The following ASH1L variants were observed in gnomAD, a reference collection of about 807,000 sequenced individuals.
ASH1L encodes histone-lysine N-methyltransferase ASH1L.
Under a neutral mutation model 269.0 loss-of-function variants are expected in ASH1L, and 23 were observed. That is an observed-to-expected ratio of 0.09 (90% CI 0.06 to 0.12). The LOEUF is 0.12. Ranked by LOEUF, ASH1L falls within the 10% of genes least tolerant of loss-of-function variation. ASH1L has a pLI of 1.00. For missense variants in ASH1L, 2,912 were observed against 3,567.8 expected (o/e 0.82, Z 4.68); for synonymous variants, 1,187 against 1,253.5 (o/e 0.95, Z 1.12).
chr1:155,405,189 A>G (rs1370866020), intron 6 of ASH1L, among the ~76,000 whole-genome samples: 1 of 152,118 alleles, frequency 6.6e-6, no homozygotes, highest in African/African-American at 2.4e-5. Flanking sequence ...AACACTGTTA[A>G]AAGTTTTGAG....
In ASH1L at chr1:155,444,102, G is replaced by C. The variant is rs183839075; in HGVS notation, c.5087-5034C>G. Among the ~76,000 whole-genome samples the C allele has an allele frequency of 8.4e-3, 1,262 of 149,370 alleles. 11 individuals carry two copies. Among genetic ancestry groups the C allele is most frequent in the Non-Finnish European group, 0.013 (866 of 67,728 alleles). ...GGGTTCAAGTGATTCTCCTGCCTCA[G>C]CCTCCCGAGTAGCTGGGACTACAGG... On this transcript the variant is annotated intron_variant, in intron 4 of 27. Coordinates refer to ENST00000392403, the MANE Select transcript of ASH1L (RefSeq NM_018489.3).
chr1:155,348,976 A>G (rs551985840), intron 19 of ASH1L, among the ~76,000 whole-genome samples: 4 of 151,560 alleles, frequency 2.6e-5, no homozygotes, highest in African/African-American at 9.7e-5. Flanking sequence ...ATATTTCTGT[A>G]TATTTCACAT....
rs1449372738 is a variant in ASH1L at position 155,335,705 on chromosome 1, A to T, written c.*1955T>A. ...TTTTTTTAGTCTTTCAACAAAAGAA[A>T]GATAAAATGACAGAGCGTAGTGTCT... On this transcript the variant is annotated 3_prime_UTR_variant, in exon 28 of 28. Coordinates refer to ENST00000392403, the MANE Select transcript of ASH1L (RefSeq NM_018489.3). 1 of 152,746 alleles carries T rather than the reference A, an allele frequency of 6.5e-6. No individual in the cohort carries two copies. The highest frequency in any genetic ancestry group is 1.5e-5 in the Non-Finnish European group (1 of 68,042). The allele number at this position is 152,746 out of a possible 1,614,324, so 9.5% of individuals were successfully genotyped here. A position where few individuals can be genotyped will look rare whatever the true frequency, so the allele number is the denominator to read the frequency against.
chr1:155,526,131 A>C (rs1669236653), intron 1 of ASH1L, among the ~76,000 whole-genome samples: 1 of 152,214 alleles, frequency 6.6e-6, no homozygotes, highest in South Asian at 2.1e-4. Context: ...TCATGAGGAT[A>C]GGAACCTCTT....
In ASH1L at chr1:155,479,915, T is replaced by A. The variant is rs755335545; in HGVS notation, c.2955A>T (p.Lys985Asn). 6.2e-7 allele frequency: 1 copy of A among 1,613,558 alleles called. No individual in the cohort carries two copies. The highest frequency in any genetic ancestry group is 1.1e-5 in the South Asian group (1 of 90,956). Reference protein sequence around the residue: ...NGQLMKTIIRKINKMKTLKRK... With the variant: ...NGQLMKTIIRNINKMKTLKRK... The stretch of plus-strand genomic sequence containing the variant: ...TCTTTAAAGTCTTCATTTTATTTAT[T>A]TTGCGGATAATTGTTTTCATTAATT... Residue 985 changes from lysine (K) to asparagine (N), a missense_variant, in exon 3 of 28, where the codon AAA becomes AAT. By Grantham distance (94) the Lys-to-Asn change is moderately conservative (BLOSUM62 0). This residue lies in a region of ASH1L where 715 missense variants were observed against 721.0 expected (regional missense o/e 0.99). Transcript: ENST00000392403.
chr1:155,552,205 G>A (rs974693458), intron 1 of ASH1L, among the ~76,000 whole-genome samples: 3 of 151,908 alleles, frequency 2.0e-5, no homozygotes, highest in Non-Finnish European at 2.9e-5. Flanking sequence ...AGTGGCTCAC[G>A]CCTGTAATCC....
intron 7 of ASH1L, among the ~76,000 whole-genome samples, chr1:155,386,174 T>C (rs1218771897): frequency 6.6e-6 from 1 of 151,788 alleles, no homozygotes; most frequent in Non-Finnish European, 1.5e-5. Context: ...TTCAAGCGAT[T>C]CTCCCGCCTC....
In ASH1L at chr1:155,348,055, G is replaced by C. The variant is rs1049152202; in HGVS notation, c.7555-151C>G. The C allele has an allele frequency of 5.6e-6, 5 of 885,538 alleles. No homozygotes were observed. The African/African-American group carries it at 8.4e-5, about 15-fold the overall frequency. The allele number at this position is 885,538 out of a possible 1,614,324, so 54.9% of individuals were successfully genotyped here. A position where few individuals can be genotyped will look rare whatever the true frequency, so the allele number is the denominator to read the frequency against. ...TATCAAATATATGGCCAGATAGTTG[G>C]TAACAACTTAAACTGAACTAAAATG... On this transcript the variant is annotated intron_variant, in intron 19 of 27. Transcript: ENST00000392403.
chr1:155,414,756 C>A (rs901945393), intron 6 of ASH1L, among the ~76,000 whole-genome samples: 1 of 152,046 alleles, frequency 6.6e-6, no homozygotes, highest in African/African-American at 2.4e-5. Flanking sequence ...TCTTTGTATC[C>A]TTTTTACATG....
At chr1:155,531,202 GAA>G (rs967758155) in intron 1 of ASH1L, among the ~76,000 whole-genome samples, 3 of 132,646 alleles carry the variant, frequency 2.3e-5, no homozygotes, top group South Asian at 4.9e-4. Flanking sequence ...TTACAATTTG[GAA>G]AAAAAAAAAA....
Position 155,362,098 on chromosome 1 carries a change from G to C in ASH1L, c.6687-1689C>G, listed in dbSNP as rs368540410. On this transcript the variant is annotated intron_variant, in intron 12 of 27. Coordinates refer to ENST00000392403, the MANE Select transcript of ASH1L (RefSeq NM_018489.3). ...GTCCCCAGGCTGGAGTGCAGTGGCA[G>C]AATCTCGGCTCACTGCAACCTCCAA... is the stretch of plus-strand genomic sequence containing the variant. Among the ~76,000 whole-genome samples the C allele has an allele frequency of 2.6e-5, 4 of 151,802 alleles. No homozygotes were observed. In the South Asian group the frequency reaches 8.3e-4, roughly 32 times the overall value.
Position 155,337,670 on chromosome 1 carries a change from A to C in ASH1L, c.8885T>G (p.Phe2962Cys). ...CTCATTCTTTGAGGGTCACTTTCGA[A>C]AGCTGTTTTCTGGGATAAACAAAGT... ...RRTLFIPENS[F>C]RK Residue 2962 changes from phenylalanine (F) to cysteine (C), a missense_variant, in exon 28 of 28, where the codon TTT becomes TGT. Transcript: ENST00000392403. 1 of 1,613,626 alleles carries C rather than the reference A, an allele frequency of 6.2e-7. No homozygotes were observed. Among genetic ancestry groups the C allele is most frequent in the African/African-American group, 1.3e-5 (1 of 75,012 alleles).
chr1:155,546,883 C>A (rs540806836), intron 1 of ASH1L, among the ~76,000 whole-genome samples: 1 of 150,736 alleles, frequency 6.6e-6, no homozygotes, highest in African/African-American at 2.4e-5. Flanking sequence ...GAACCCCTTA[C>A]ATTCACATTT....
intron 2 of ASH1L, among the ~76,000 whole-genome samples, chr1:155,519,452 A>G (rs1242352888): frequency 6.6e-6 from 1 of 152,090 alleles, no homozygotes; most frequent in African/African-American, 2.4e-5. Flanking sequence ...ATAAATAAAT[A>G]AATAAATAAA....
chr1:155,400,314 A>G (rs929438353), intron 6 of ASH1L, among the ~76,000 whole-genome samples: 1 of 151,914 alleles, frequency 6.6e-6, no homozygotes, highest in African/African-American at 2.4e-5. Flanking sequence ...CCTGGGTGAT[A>G]GAGCGAGACT....
At chr1:155,344,525 G>C (rs1198120417) in intron 21 of ASH1L, 1 of 346,002 alleles carries the variant, frequency 2.9e-6, no homozygotes, top group Non-Finnish European at 5.3e-6. Context: ...CGTAATCTAG[G>C]GGCCATATGA....
Position 155,343,529 on chromosome 1 carries a change from A to G in ASH1L, c.8121-43T>C, listed in dbSNP as rs773136325. 8.1e-6 allele frequency: 13 copies of G among 1,612,092 alleles called. No individual in the cohort carries two copies. In the Admixed American group the frequency reaches 2.0e-4, roughly 25 times the overall value. ...TGAGAAGGGAGAGGTTTAGCTGATT[A>G]GCAAGATCCTAGTGAACATTCAGCT... On this transcript the variant is annotated intron_variant, in intron 23 of 27. Transcript: ENST00000392403. This position sits in a 1 kb window ranked among gnomAD's most constrained non-coding sequence, Gnocchi z 6.1.
chr1:155,507,651 C>T (rs1667899974), intron 2 of ASH1L, among the ~76,000 whole-genome samples: 2 of 152,110 alleles, frequency 1.3e-5, no homozygotes, highest in African/African-American at 2.4e-5. Context: ...GCAGGAGGAT[C>T]GATTCAGCAC....
chr1:155,363,386 C>T (rs541723516), intron 12 of ASH1L, among the ~76,000 whole-genome samples: 1 of 151,984 alleles, frequency 6.6e-6, no homozygotes, highest in South Asian at 2.1e-4. Flanking sequence ...AGTGATCCTC[C>T]CACCTCGCCA....
Sources: gnomAD v4.1 joint callset for allele counts (sites outside exome capture counted in the v4.1 genomes callset) on GRCh38, gnomAD v4.1.1 for gene constraint, gnomAD v4.1.1 regional missense constraint, Gnocchi (gnomAD v3.1) non-coding constraint, MANE v1.5 for transcripts, NCBI Gene and HGNC (gene_info 2026-07-23, HGNC 2026-07-21) for gene names.